ANKRD26: variants seen among roughly 807,000 people sequenced by gnomAD.
ANKRD26 encodes ankyrin repeat domain 26, also known as ankyrin repeat domain-containing protein 26.
In ANKRD26, 141 loss-of-function variants were observed where a neutral mutation model predicts 208.7. That is an observed-to-expected ratio of 0.68 (90% CI 0.59 to 0.78). The LOEUF is 0.78. ANKRD26 is among the 30% of genes least tolerant of loss of function. The pLI is 0.00. For synonymous variants in ANKRD26, 636 were observed against 660.4 expected, an observed-to-expected ratio of 0.96 and a Z score of 0.57; for missense variants, 1,889 against 1,938.7, an observed-to-expected ratio of 0.97 and a Z score of 0.48.
At position 27,028,585 on chromosome 10, in the gene ANKRD26, CAA is replaced by C. The variant is rs11294303; in HGVS notation, c.3972+265_3972+266del. 4.4e-3 allele frequency among the ~76,000 whole-genome samples: 338 copies of C among 76,044 alleles called. 3 individuals are homozygous for C. Among genetic ancestry groups the C allele is most frequent in the African/African-American group, 0.014 (240 of 17,136 alleles). The allele number at this position is 76,044 out of a possible 152,430, so 49.9% of individuals were successfully genotyped here. ...TGGGCGACAGAGTGAGACTCCATCT[CAA>C]AAAAAAAAAAAAAAAAAAATTACAT... On this transcript the variant is annotated intron_variant, in intron 27 of 33. Coordinates refer to ENST00000376087, the MANE Select transcript of ANKRD26 (RefSeq NM_014915.3).
At chr10:27,051,377 G>T in intron 16 of ANKRD26, 2 of 1,215,804 alleles carry the variant, frequency 1.6e-6, no homozygotes, top group Non-Finnish European at 2.1e-6. Context: ...CTTTGGAGCA[G>T]ATCAAATCAA....
At chr10:27,099,563 G>T (rs1388113850) in intron 1 of ANKRD26, among the ~76,000 whole-genome samples, 2 of 31,638 alleles carry the variant, frequency 6.3e-5, no homozygotes, top group African/African-American at 1.0e-4. Flanking sequence ...TATTAGAGTT[G>T]GGGGGGGGGG....
At chr10:27,023,033 G>T (rs1325001050) in intron 28 of ANKRD26, among the ~76,000 whole-genome samples, 4 of 152,114 alleles carry the variant, frequency 2.6e-5, no homozygotes, top group Non-Finnish European at 5.9e-5. Context: ...AAGGTGAAGA[G>T]GAAAATCATA....
At chr10:27,029,892 T>G (rs1361938807) in intron 25 of ANKRD26, among the ~76,000 whole-genome samples, 1 of 152,134 alleles carries the variant, frequency 6.6e-6, no homozygotes, top group Non-Finnish European at 1.5e-5. Context: ...CGGGTGGGAA[T>G]CCCAGCTCCA....
At chr10:26,976,309 G>C (rs1438652569) in intron 5 of ANKRD26, among the ~76,000 whole-genome samples, 3 of 152,034 alleles carry the variant, frequency 2.0e-5, no homozygotes, top group Non-Finnish European at 4.4e-5. Context: ...CCACCTCCCA[G>C]GTTCAAGCGA....
intron 7 of ANKRD26, 66 bp downstream of exon 7, chr10:27,079,023 T>G: frequency 7.0e-7 from 1 of 1,433,374 alleles, no homozygotes; most frequent in Non-Finnish European, 9.8e-7. Flanking sequence ...CTGCAAAATT[T>G]TAAGAGAATA....
Position 27,068,797 on chromosome 10 carries a change from T to C in ANKRD26, c.1078-1511A>G, listed in dbSNP as rs190852305. Reference sequence around the variant, plus strand: ...GTTGGGGGAGTGGTCAGGACAAAAATAGAGAAGATTATTCCAAAATTACAG... The same window carrying C: ...GTTGGGGGAGTGGTCAGGACAAAAACAGAGAAGATTATTCCAAAATTACAG... On this transcript the variant is annotated intron_variant, in intron 9 of 33. Coordinates refer to ENST00000376087, the MANE Select transcript of ANKRD26 (RefSeq NM_014915.3). Among the ~76,000 whole-genome samples, 4 of 147,410 alleles carry C rather than the reference T, an allele frequency of 2.7e-5. No individual in the cohort carries two copies. In the East Asian group the frequency reaches 8.0e-4, roughly 29 times the overall value.
chr10:26,963,476 G>A, the ANKRD26 span, among the ~76,000 whole-genome samples: 2 of 152,124 alleles, frequency 1.3e-5, no homozygotes, highest in Non-Finnish European at 1.5e-5. Context: ...GTATTCTGAC[G>A]AACACCTAGT....
At chr10:27,064,162 A>G in intron 11 of ANKRD26, 81 bp from the exon 12 acceptor site, 2 of 1,059,116 alleles carry the variant, frequency 1.9e-6, no homozygotes, top group Non-Finnish European at 2.8e-6. Context: ...ACTTTCAAAT[A>G]TAATATGAAT....
Position 27,077,366 on chromosome 10 carries a change from T to C in ANKRD26, c.1049A>G (p.Lys350Arg). 1 of 1,614,000 alleles carries C rather than the reference T, an allele frequency of 6.2e-7. No individual in the cohort carries two copies. Among genetic ancestry groups the C allele is most frequent in the South Asian group, 1.1e-5 (1 of 91,076 alleles). Reference sequence around the variant, plus strand: ...CATAAGACCAGGGTTTGCTAACGACTTGTGGGAAGGTTTTGGAAGAAGGTC... The same window carrying C: ...CATAAGACCAGGGTTTGCTAACGACCTGTGGGAAGGTTTTGGAAGAAGGTC... ...SPDLLPKPSH[K>R]SLANPGLMKE... Residue 350 changes from lysine to arginine, a missense_variant, in exon 9 of 34, where the codon AAG (lysine) becomes AGG (arginine). Around this residue, in one of 3 missense-constraint regions of ANKRD26, gnomAD observed 1,272 missense variants for 1,273.8 expected, o/e 1.00. Transcript: ENST00000376087.
intron 5 of ANKRD26, among the ~76,000 whole-genome samples, chr10:27,084,560 CATTTTTGTTATGG>C (rs2056045470): frequency 1.3e-5 from 2 of 152,100 alleles, no homozygotes; most frequent in African/African-American, 4.8e-5. Flanking sequence ...AGCATAGTAG[CATTTTTGTTATGG>C]CGAAACATTT....
intron 9 of ANKRD26, among the ~76,000 whole-genome samples, chr10:27,070,101 T>TAA (rs34493349): frequency 6.1e-4 from 67 of 109,098 alleles, no homozygotes; most frequent in African/African-American, 1.7e-3. Flanking sequence ...ACTCTGTATT[T>TAA]AAAAAAAAAA....
chr10:27,064,214 A>G lies in ANKRD26; in HGVS notation c.1270-133T>C, dbSNP rs576928279. The G allele has an allele frequency of 2.1e-4, 157 of 735,560 alleles. No individual in the cohort carries two copies. The South Asian group carries it at 2.7e-3, about 12-fold the overall frequency. The allele number at this position is 735,560 out of a possible 1,614,324, so 45.6% of individuals were successfully genotyped here. A position where few individuals can be genotyped will look rare whatever the true frequency, so the allele number is the denominator to read the frequency against. Reference sequence around the variant, plus strand: ...AATTAGGCTTAAAAATAAGATAAGCATGTATTGAAAACCAAAACATTTCAA... The same window carrying G: ...AATTAGGCTTAAAAATAAGATAAGCGTGTATTGAAAACCAAAACATTTCAA... On this transcript the variant is annotated intron_variant, in intron 11 of 33. Coordinates refer to ENST00000376087, the MANE Select transcript of ANKRD26 (RefSeq NM_014915.3).
At position 27,046,744 on chromosome 10, in the gene ANKRD26, A is replaced by T. The variant is rs11818645; in HGVS notation, c.1815-221T>A. On this transcript the variant is annotated intron_variant, in intron 17 of 33. Coordinates refer to ENST00000376087, the MANE Select transcript of ANKRD26 (RefSeq NM_014915.3). ...TCAAAAAACACGAATTACCAACAAC[A>T]TAAGAGAAAATGTATATTCCCTGCT... 0.014 allele frequency among the ~76,000 whole-genome samples: 2,199 copies of T among 152,298 alleles called. 19 individuals are homozygous for T. Among genetic ancestry groups the T allele is most frequent in the Non-Finnish European group, 0.022 (1,497 of 68,010 alleles).
intron 25 of ANKRD26, among the ~76,000 whole-genome samples, chr10:27,032,507 G>A (rs2053900111): frequency 2.0e-5 from 3 of 151,986 alleles, no homozygotes; most frequent in Admixed American, 2.0e-4. Flanking sequence ...GTGGTGGTGG[G>A]CACCTGTAAT....
At chr10:27,086,694 G>C in intron 4 of ANKRD26, 85 bp from the exon 5 acceptor site, 3 of 1,424,628 alleles carry the variant, frequency 2.1e-6, no homozygotes, top group Non-Finnish European at 2.8e-6. Context: ...GAGTATTTCA[G>C]CCATTATCAG....
chr10:27,050,244 A>AAAAAAAAAAAAAAG (rs2054605396), intron 16 of ANKRD26, among the ~76,000 whole-genome samples: 1 of 134,278 alleles, frequency 7.4e-6, no homozygotes, highest in African/African-American at 3.7e-5. Flanking sequence ...AAAAAAAAAA[A>AAAAAAAAAAAAAAG]AAAGAAAGAA....
intron 32 of ANKRD26, among the ~76,000 whole-genome samples, chr10:27,012,473 G>A (rs1402402295): frequency 1.3e-5 from 2 of 151,312 alleles, no homozygotes; most frequent in Non-Finnish European, 2.9e-5. Context: ...TCAAGCATAA[G>A]TCAATTAAAC....
In ANKRD26 at chr10:26,975,402, C is replaced by CTTTTTT. The variant is rs60226106; in HGVS notation, c.*916_*921dup. Among the ~76,000 whole-genome samples, 58 of 90,478 alleles carry CTTTTTT rather than the reference C, an allele frequency of 6.4e-4. 8 individuals carry two copies. The East Asian group carries it at 0.011, about 17-fold the overall frequency. The allele number at this position is 90,478 out of a possible 152,430, so 59.4% of individuals were successfully genotyped here. A position where few individuals can be genotyped will look rare whatever the true frequency, so the allele number is the denominator to read the frequency against. ...AGCCACCTCGCCCAGCTAATTTTTG[C>CTTTTTT]TTTTTTTTTTTTTTTTTTGGTGTAG... On this transcript the variant is annotated 3_prime_UTR_variant and NMD_transcript_variant, in exon 6 of 6. Coordinates refer to the ANKRD26 transcript ENST00000674670.
Sources: gnomAD v4.1 joint callset for allele counts (sites outside exome capture counted in the v4.1 genomes callset) on GRCh38, gnomAD v4.1.1 for gene constraint, gnomAD v4.1.1 regional missense constraint, MANE v1.5 for transcripts, NCBI Gene and HGNC (gene_info 2026-07-23, HGNC 2026-07-21) for gene names.